PLCXD3: variants seen among roughly 807,000 people sequenced by gnomAD.
PLCXD3 encodes PI-PLC X domain-containing protein 3.
Under a neutral mutation model 25.5 loss-of-function variants are expected in PLCXD3, and 19 were observed. The observed-to-expected ratio is 0.75, with a 90% CI of 0.52 to 1.09. PLCXD3 has a LOEUF of 1.09. Ranked by LOEUF, PLCXD3 falls within the 50% of genes least tolerant of loss-of-function variation. PLCXD3 has a pLI of 0.00. For synonymous variants in PLCXD3, 174 were observed against 137.6 expected, an observed-to-expected ratio of 1.26 and a Z score of -1.85; for missense variants, 411 against 388.1, an observed-to-expected ratio of 1.06 and a Z score of -0.50.
intron 1 of PLCXD3, among the ~76,000 whole-genome samples, chr5:41,449,926 C>T (rs1051012238): frequency 2.0e-5 from 3 of 152,014 alleles, no homozygotes; most frequent in African/African-American, 7.2e-5. Flanking sequence ...CTATTACCTC[C>T]CCTAACAGGT....
At chr5:41,340,793 T>C (rs1349449769) in intron 2 of PLCXD3, among the ~76,000 whole-genome samples, 1 of 152,208 alleles carries the variant, frequency 6.6e-6, no homozygotes, top group Non-Finnish European at 1.5e-5. Context: ...ATTTTGTTGC[T>C]AATTTTATTG....
chr5:41,441,693 A>G (rs541463937), intron 1 of PLCXD3, among the ~76,000 whole-genome samples: 4 of 152,300 alleles, frequency 2.6e-5, no homozygotes, highest in African/African-American at 9.6e-5. Flanking sequence ...CTTACATGTG[A>G]CCTGTAGGAA....
intron 1 of PLCXD3, among the ~76,000 whole-genome samples, chr5:41,477,202 A>G (rs1423620016): frequency 6.6e-6 from 1 of 152,146 alleles, no homozygotes; most frequent in African/African-American, 2.4e-5. Context: ...AAATGGGAAT[A>G]ATATGTTACC....
chr5:41,504,267 T>A (rs1375618540), intron 1 of PLCXD3, among the ~76,000 whole-genome samples: 1 of 152,160 alleles, frequency 6.6e-6, no homozygotes, highest in Non-Finnish European at 1.5e-5. Context: ...AAAAAGAAGT[T>A]TTTTTAAGAG....
At chr5:41,336,946 A>C (rs77331960) in intron 2 of PLCXD3, among the ~76,000 whole-genome samples, 6,869 of 152,262 alleles carry the variant, frequency 0.045, 179 homozygotes, top group Non-Finnish European at 0.063. Flanking sequence ...GGGAAACCCA[A>C]CCTACAAGTG....
intron 1 of PLCXD3, among the ~76,000 whole-genome samples, chr5:41,459,941 A>T (rs1747837895): frequency 6.6e-6 from 1 of 151,922 alleles, no homozygotes; most frequent in Admixed American, 6.6e-5. Context: ...GATAAAGATA[A>T]ATCCTGCAAG....
intron 1 of PLCXD3, among the ~76,000 whole-genome samples, chr5:41,462,958 A>G (rs561699194): frequency 2.6e-5 from 4 of 152,088 alleles, no homozygotes; most frequent in African/African-American, 9.6e-5. Context: ...ATTTGAGTAG[A>G]AGAATTAATG....
At chr5:41,366,677 G>A (rs1744945810) in intron 2 of PLCXD3, among the ~76,000 whole-genome samples, 1 of 152,174 alleles carries the variant, frequency 6.6e-6, no homozygotes, top group African/African-American at 2.4e-5. Context: ...TTTAAGTTCA[G>A]GGCTCCATGT....
intron 2 of PLCXD3, among the ~76,000 whole-genome samples, chr5:41,373,574 T>C (rs1343488564): frequency 6.6e-6 from 1 of 152,122 alleles, no homozygotes; most frequent in Non-Finnish European, 1.5e-5. Flanking sequence ...TCCCAGCCCA[T>C]GGAACGGCCA....
chr5:41,488,773 G>A (rs1644868635), intron 1 of PLCXD3, among the ~76,000 whole-genome samples: 1 of 147,350 alleles, frequency 6.8e-6, no homozygotes, highest in Admixed American at 6.7e-5. Flanking sequence ...TTTTGATGGG[G>A]TTGTTTGTTT....
intron 2 of PLCXD3, among the ~76,000 whole-genome samples, chr5:41,327,038 A>C (rs1264896280): frequency 2.0e-5 from 3 of 152,182 alleles, no homozygotes; most frequent in Non-Finnish European, 4.4e-5. Flanking sequence ...ACTTGGGAGA[A>C]ACTAAGGAGG....
intron 1 of PLCXD3, 147 bp downstream of exon 1, chr5:41,510,277 C>G (rs1310521659): frequency 2.9e-6 from 2 of 684,502 alleles, no homozygotes; most frequent in Non-Finnish European, 4.8e-6. Flanking sequence ...CTACCCGGCA[C>G]GCGCTCGCCT....
At chr5:41,376,200 G>A (rs902168659) in intron 2 of PLCXD3, among the ~76,000 whole-genome samples, 2 of 152,106 alleles carry the variant, frequency 1.3e-5, no homozygotes, top group Non-Finnish European at 2.9e-5. Flanking sequence ...TCCAAGGGAT[G>A]TCATCCATAT....
chr5:41,492,340 C>T (rs1211111232), intron 1 of PLCXD3, among the ~76,000 whole-genome samples: 34 of 144,910 alleles, frequency 2.3e-4, no homozygotes, highest in African/African-American at 6.1e-4. Context: ...GTGGGTAACC[C>T]GACCTTTCTC....
chr5:41,389,670 G>T lies in PLCXD3; in HGVS notation c.104-7136C>A, dbSNP rs1004163839. ...TAACAGTGACCATCAGAAACTTCAG[G>T]AAGTGAAAGAAGATCTCCCATAGAA... On this transcript the variant is annotated intron_variant, in intron 1 of 2. Coordinates refer to ENST00000377801, the MANE Select transcript of PLCXD3 (RefSeq NM_001005473.3). Among the ~76,000 whole-genome samples the T allele has an allele frequency of 2.6e-5, 4 of 152,106 alleles. No individual in the cohort carries two copies. In the South Asian group the frequency reaches 6.2e-4, roughly 24 times the overall value.
intron 1 of PLCXD3, among the ~76,000 whole-genome samples, chr5:41,446,421 A>G (rs575942931): frequency 1.3e-5 from 2 of 152,050 alleles, no homozygotes; most frequent in African/African-American, 2.4e-5. Context: ...TCTAAAACTG[A>G]TTGGGCTGTG....
chr5:41,434,324 C>A (rs373910533), intron 1 of PLCXD3, among the ~76,000 whole-genome samples: 2 of 152,292 alleles, frequency 1.3e-5, no homozygotes, highest in East Asian at 3.9e-4. Context: ...GTACTAGGTG[C>A]TGGGGATGTG....
At chr5:41,315,050 G>A (rs1743249088) in intron 2 of PLCXD3, among the ~76,000 whole-genome samples, 1 of 152,172 alleles carries the variant, frequency 6.6e-6, no homozygotes, top group Non-Finnish European at 1.5e-5. Context: ...TCAGGCAGAG[G>A]AAATACCATT....
intron 1 of PLCXD3, among the ~76,000 whole-genome samples, chr5:41,503,196 T>C (rs984534107): frequency 4.6e-5 from 7 of 152,176 alleles, no homozygotes; most frequent in Admixed American, 3.3e-4. Context: ...TAACAAGCCA[T>C]AGGGGAGTTC....
Sources: allele counts gnomAD v4.1 joint callset (sites outside exome capture counted in the v4.1 genomes callset), GRCh38; gene constraint gnomAD v4.1.1; transcripts MANE v1.5; gene names NCBI Gene and HGNC (gene_info 2026-07-23, HGNC 2026-07-21).